Variants in DENND1A observed in about 807,000 individuals in gnomAD.
DENND1A encodes the protein DENN domain-containing protein 1A.
In DENND1A, 51 loss-of-function variants were observed where a neutral mutation model predicts 113.7. That is an observed-to-expected ratio of 0.45 (90% CI 0.36 to 0.57). DENND1A has a LOEUF of 0.57. Ranked by LOEUF, DENND1A falls within the 20% of genes least tolerant of loss-of-function variation. DENND1A has a pLI of 0.00. For synonymous variants in DENND1A, 565 were observed against 570.8 expected (o/e 0.99, Z 0.14); for missense variants, 1,258 against 1,395.9 (o/e 0.90, Z 1.57).
At chr9:123,688,421 T>C (rs568476013) in intron 5 of DENND1A, among the ~76,000 whole-genome samples, 2 of 152,310 alleles carry the variant, frequency 1.3e-5, no homozygotes, top group African/African-American at 2.4e-5. Context: ...CTAATATATA[T>C]AAGTCAGGCA....
intron 2 of DENND1A, chr9:123,843,252 T>G: frequency 2.0e-6 from 1 of 490,574 alleles, no homozygotes; most frequent in Non-Finnish European, 4.1e-6. Context: ...AAAAGTTCAT[T>G]ATCACACAAG....
intron 1 of DENND1A, among the ~76,000 whole-genome samples, chr9:123,919,387 G>A (rs567198382): frequency 9.5e-5 from 14 of 147,744 alleles, no homozygotes; most frequent in East Asian, 4.1e-4. Flanking sequence ...CAGGAGAATC[G>A]CTTGAACCCA....
chr9:123,876,568 C>T (rs1157304042), intron 2 of DENND1A, among the ~76,000 whole-genome samples: 1 of 152,116 alleles, frequency 6.6e-6, no homozygotes, highest in East Asian at 1.9e-4. Context: ...CACATGCACA[C>T]ATATGTGCTG....
At chr9:123,878,700 C>G (rs1178926412) in intron 2 of DENND1A, among the ~76,000 whole-genome samples, 1 of 150,036 alleles carries the variant, frequency 6.7e-6, no homozygotes, top group East Asian at 1.9e-4. Flanking sequence ...AGATGCAAAC[C>G]AAGACCCAAT....
chr9:123,870,097 T>C (rs563990197), intron 2 of DENND1A, among the ~76,000 whole-genome samples: 3 of 148,910 alleles, frequency 2.0e-5, no homozygotes, highest in Admixed American at 6.7e-5. Context: ...AAAAAAAATA[T>C]AGAATAGCTG....
chr9:123,537,244 G>GA (rs993428820), intron 13 of DENND1A, among the ~76,000 whole-genome samples: 2 of 151,050 alleles, frequency 1.3e-5, no homozygotes, highest in Non-Finnish European at 1.5e-5. Flanking sequence ...AACTATATAA[G>GA]AAAAAAAGAA....
chr9:123,388,287 TCA>T lies in DENND1A; in HGVS notation c.1632-431_1632-430del, dbSNP rs2042668460. On this transcript the variant is annotated intron_variant, in intron 21 of 23. Transcript: ENST00000394215. ...TAAAGATCAGGATGCAGAACTGCAA[TCA>T]CACCACATTCGCTGTCATCTGCTTA... Among the ~76,000 whole-genome samples, 3 of 152,306 alleles carry T rather than the reference TCA, an allele frequency of 2.0e-5. No individual in the cohort carries two copies. In the South Asian group the frequency reaches 6.2e-4, roughly 32 times the overall value.
intron 5 of DENND1A, among the ~76,000 whole-genome samples, chr9:123,713,739 A>G (rs1231316594): frequency 6.6e-6 from 1 of 152,230 alleles, no homozygotes; most frequent in Non-Finnish European, 1.5e-5. Flanking sequence ...TATGTTGATA[A>G]TTCTTAGATA....
At chr9:123,445,012 C>T (rs567925343) in intron 18 of DENND1A, among the ~76,000 whole-genome samples, 2 of 152,170 alleles carry the variant, frequency 1.3e-5, no homozygotes, top group African/African-American at 4.8e-5. Flanking sequence ...TGCCAGTTCC[C>T]GTCCCTCGGT....
At chr9:123,843,497 C>A in intron 2 of DENND1A, 2 of 277,092 alleles carry the variant, frequency 7.2e-6, no homozygotes, top group Non-Finnish European at 7.3e-6. Context: ...GTCTCCAGAT[C>A]ATTACAATTT....
intron 3 of DENND1A, among the ~76,000 whole-genome samples, chr9:123,790,654 ACCAT>A (rs1832865398): frequency 6.6e-6 from 1 of 152,212 alleles, no homozygotes; most frequent in Admixed American, 6.5e-5. Context: ...TACTTGTAAG[ACCAT>A]CCATTAACTA....
intron 2 of DENND1A, among the ~76,000 whole-genome samples, chr9:123,818,559 C>T (rs1055041580): frequency 6.3e-4 from 78 of 123,578 alleles, no homozygotes; most frequent in African/African-American, 1.9e-3. Flanking sequence ...CACACACACA[C>T]ACACACACAT....
At chr9:123,385,556 G>A (rs764737367) in intron 22 of DENND1A, among the ~76,000 whole-genome samples, 3 of 152,222 alleles carry the variant, frequency 2.0e-5, no homozygotes, top group Non-Finnish European at 2.9e-5. Context: ...TGGGGGAAGG[G>A]CACCACCTGG....
At chr9:123,885,031 T>A (rs868816205) in intron 1 of DENND1A, among the ~76,000 whole-genome samples, 9 of 118,212 alleles carry the variant, frequency 7.6e-5, no homozygotes, top group African/African-American at 1.9e-4. Flanking sequence ...ACACACACAC[T>A]CACTCTCTCT....
intron 10 of DENND1A, among the ~76,000 whole-genome samples, chr9:123,617,640 C>T (rs760397441): frequency 1.3e-5 from 2 of 152,168 alleles, no homozygotes; most frequent in Non-Finnish European, 2.9e-5. Context: ...CTTGGCCTAC[C>T]GGAAGGCGAC....
rs201626467 is a variant in DENND1A at position 123,452,255 on chromosome 9, G to A, written c.1299+21C>T. 2.7e-5 allele frequency: 44 copies of A among 1,612,612 alleles called. No individual in the cohort carries two copies. In the African/African-American group the frequency reaches 5.1e-4, roughly 19 times the overall value. On this transcript the variant is annotated intron_variant, in intron 17 of 23. Coordinates refer to ENST00000394215, the MANE Select transcript of DENND1A (RefSeq NM_001352964.2). ...AAGGGACTGATCTGTTTTGGCTCCT[G>A]ACAGCAAGACCAGTACTTACGAACT...
In DENND1A at chr9:123,878,159, C is replaced by T. The variant is rs184567623; in HGVS notation, c.88+792G>A. 4.4e-3 allele frequency among the ~76,000 whole-genome samples: 651 copies of T among 148,936 alleles called. 2 individuals carry two copies. The highest frequency in any genetic ancestry group is 0.015 in the African/African-American group (623 of 40,536). On this transcript the variant is annotated intron_variant, in intron 2 of 23. Transcript: ENST00000394215. ...CAGAGGTTGCGGTGAGCCAAGATCA[C>T]GCCATTGCACTCCAGCCTGGGCAAC...
At chr9:123,660,869 T>G (rs1342072801) in intron 8 of DENND1A, among the ~76,000 whole-genome samples, 1 of 152,258 alleles carries the variant, frequency 6.6e-6, no homozygotes, top group African/African-American at 2.4e-5. Context: ...CTGGGGCCAT[T>G]AGTCCCCCAG....
intron 6 of DENND1A, among the ~76,000 whole-genome samples, chr9:123,671,775 A>T (rs898518491): frequency 6.6e-6 from 1 of 152,142 alleles, no homozygotes; most frequent in Non-Finnish European, 1.5e-5. Context: ...ATTACCCTCA[A>T]TTAATTTTAT....
Sources: gnomAD v4.1 joint callset for allele counts (sites outside exome capture counted in the v4.1 genomes callset) on GRCh38, gnomAD v4.1.1 for gene constraint, MANE v1.5 for transcripts, NCBI Gene and HGNC (gene_info 2026-07-23, HGNC 2026-07-21) for gene names.